Variants in GCLC observed in about 807,000 individuals in gnomAD.
The protein encoded by GCLC is glutamate-cysteine ligase catalytic subunit.
In GCLC, 30 loss-of-function variants were observed where a neutral mutation model predicts 81.5. The ratio of observed to expected loss-of-function variants is 0.37; its 90% CI spans 0.28 to 0.50. GCLC has a LOEUF of 0.50. GCLC is among the 20% of genes least tolerant of loss of function. The pLI is 0.96. For synonymous variants in GCLC, 262 were observed against 273.3 expected, an observed-to-expected ratio of 0.96 and a Z score of 0.41; for missense variants, 556 against 777.4, an observed-to-expected ratio of 0.72 and a Z score of 3.39.
chr6:53,506,049 A>G lies in GCLC; in HGVS notation c.1198-154T>C, dbSNP rs773851478. On this transcript the variant is annotated intron_variant, in intron 10 of 15. Coordinates refer to ENST00000650454, the MANE Select transcript of GCLC (RefSeq NM_001498.4). The surrounding 1 kb of genome is among the most constrained non-coding windows in gnomAD (Gnocchi z 4.0). ...AAGGTACAATTGAAGATTTTCTTCG[A>G]GTGTGCTCTTTTAGGAAAACAAAAC... is the stretch of plus-strand genomic sequence containing the variant. 11 of 664,466 alleles carry G rather than the reference A, an allele frequency of 1.7e-5. No individual in the cohort carries two copies. Among genetic ancestry groups the G allele is most frequent in the African/African-American group, 3.6e-5 (2 of 55,690 alleles). 41.2% of individuals were successfully genotyped at this position (664,466 alleles called of 1,614,324 possible).
chr6:53,519,843 T>C (rs1315870117), intron 3 of GCLC, among the ~76,000 whole-genome samples: 4 of 152,118 alleles, frequency 2.6e-5, no homozygotes, highest in Non-Finnish European at 1.5e-5. Flanking sequence ...AAATAAGTTT[T>C]CAACTATTTA....
In GCLC at chr6:53,498,873, A is replaced by G. The variant is rs1246329475; in HGVS notation, c.1797T>C (p.Tyr599=). The G allele has an allele frequency of 2.5e-6, 4 of 1,611,734 alleles. No individual in the cohort carries two copies. The highest frequency in any genetic ancestry group is 1.3e-5 in the African/African-American group (1 of 74,876). The part of the protein sequence containing the change: ...QDSVITDEMN[Y]SLILKCNQIA... The stretch of plus-strand genomic sequence containing the variant: ...TTTGGTTACACTTCAAAATAAGGCT[A>G]TAATTCATTTCATCAGTTATGACAC... The change falls in exon 16 of 16, where the codon TAT becomes TAC. Residue 599 remains tyrosine, a synonymous_variant. Transcript: ENST00000650454.
intron 1 of GCLC, among the ~76,000 whole-genome samples, chr6:53,534,903 CA>C (rs36014130): frequency 0.014 from 2,183 of 152,246 alleles, 24 homozygotes; most frequent in Middle Eastern, 0.085. Context: ...TCTACAGATT[CA>C]ATGCAATCCC....
chr6:53,542,234 G>A (rs1763370327), intron 1 of GCLC, among the ~76,000 whole-genome samples: 1 of 152,124 alleles, frequency 6.6e-6, no homozygotes, highest in African/African-American at 2.4e-5. Context: ...GTTATGACCT[G>A]GCTGAAATGC....
At position 53,500,061 on chromosome 6, in the gene GCLC, A is replaced by G; in HGVS notation, c.1686T>C (p.Ile562=). ...RCSILNYLKL[I]KKRASGELMT... is the part of the protein sequence containing the mutation. ...ATATCATACCAGATGCTCTCTTCTT[A>G]ATTAGCTTTAGGTAGTTCAGAATAC... The change falls in exon 15 of 16, where the codon ATT becomes ATC. Residue 562 remains isoleucine (I), a synonymous_variant. Coordinates refer to ENST00000650454, the MANE Select transcript of GCLC (RefSeq NM_001498.4). 1 of 1,600,160 alleles carries G rather than the reference A, an allele frequency of 6.2e-7. No homozygotes were observed. The highest frequency in any genetic ancestry group is 8.6e-7 in the Non-Finnish European group (1 of 1,167,286).
At chr6:53,526,014 C>T (rs1168598255) in intron 1 of GCLC, among the ~76,000 whole-genome samples, 1 of 152,112 alleles carries the variant, frequency 6.6e-6, no homozygotes, top group Non-Finnish European at 1.5e-5. Flanking sequence ...AAATTTTATC[C>T]TACTAGAATA....
chr6:53,520,312 T>G (rs1437363900), intron 3 of GCLC, among the ~76,000 whole-genome samples: 1 of 152,250 alleles, frequency 6.6e-6, no homozygotes, highest in Non-Finnish European at 1.5e-5. Context: ...TTGGGAGCAC[T>G]GCAGATCCTC....
chr6:53,508,215 A>C (rs893643242), intron 8 of GCLC, among the ~76,000 whole-genome samples: 2 of 152,174 alleles, frequency 1.3e-5, no homozygotes, highest in South Asian at 4.1e-4. Flanking sequence ...ACAGTTCAAC[A>C]TGCAAACAAG....
At position 53,500,098 on chromosome 6, in the gene GCLC, T is replaced by G; in HGVS notation, c.1649A>C (p.Asp550Ala). 1 of 1,610,042 alleles carries G rather than the reference T, an allele frequency of 6.2e-7. No homozygotes were observed. The highest frequency in any genetic ancestry group is 8.5e-7 in the Non-Finnish European group (1 of 1,176,232). Residue 550 changes from aspartate (D) to alanine (A), a missense_variant, in exon 15 of 16, where the codon GAC (aspartate) becomes GCC (alanine). This residue lies in a region of GCLC where 313 missense variants were observed against 437.3 expected (regional missense o/e 0.72). Transcript: ENST00000650454. ...GTAGTTCAGAATACTACATCTGGTG[T>G]CCACATCCACTTCCATGTTTTCAAG... ...SYLENMEVDV[D>A]TRCSILNYLK...
chr6:53,540,154 C>A (rs958435647), intron 1 of GCLC, among the ~76,000 whole-genome samples: 1 of 152,098 alleles, frequency 6.6e-6, no homozygotes, highest in Admixed American at 6.5e-5. Context: ...ATATTCTTCA[C>A]CCTATTCCAT....
At chr6:53,531,116 G>A (rs1207823760) in intron 1 of GCLC, among the ~76,000 whole-genome samples, 1 of 152,160 alleles carries the variant, frequency 6.6e-6, no homozygotes, top group Non-Finnish European at 1.5e-5. Flanking sequence ...TGCTAAAACA[G>A]TATTAAGTAC....
At position 53,500,664 on chromosome 6, in the gene GCLC, T is replaced by C. The variant is rs1469126595; in HGVS notation, c.1396-151A>G. 24 of 686,358 alleles carry C rather than the reference T, an allele frequency of 3.5e-5. No individual in the cohort carries two copies. The Admixed American group carries it at 5.2e-4, about 15-fold the overall frequency. The allele number at this position is 686,358 out of a possible 1,614,324, so 42.5% of individuals were successfully genotyped here. ...TTCCCAGTGGGAGGAACAGGCTTTT[T>C]ATTTATGTGAGGACTGTATCACTCA... is the stretch of plus-strand genomic sequence containing the variant. On this transcript the variant is annotated intron_variant, in intron 12 of 15. Transcript: ENST00000650454.
chr6:53,521,818 C>CA (rs1189747089), intron 2 of GCLC, among the ~76,000 whole-genome samples: 1 of 152,022 alleles, frequency 6.6e-6, no homozygotes, highest in Non-Finnish European at 1.5e-5. Flanking sequence ...ACTAAAAATA[C>CA]AAAAAATTAG....
rs1764824471 is a variant in GCLC at position 53,514,480 on chromosome 6, A to G, written c.578T>C (p.Ile193Thr). 1 of 1,613,302 alleles carries G rather than the reference A, an allele frequency of 6.2e-7. No individual in the cohort carries two copies. The highest frequency in any genetic ancestry group is 8.5e-7 in the Non-Finnish European group (1 of 1,179,216). The change falls in exon 5 of 16, where the codon ATC (isoleucine) becomes ACC (threonine). Residue 193 changes from isoleucine to threonine, a missense_variant. Ile to Thr is a moderately conservative substitution (Grantham distance 89, BLOSUM62 -1). This residue lies in a region of GCLC where 234 missense variants were observed against 303.8 expected (regional missense o/e 0.77). Coordinates refer to ENST00000650454, the MANE Select transcript of GCLC (RefSeq NM_001498.4). ...HPRFSTLTRN[I>T]RHRRGEKVVI... The stretch of plus-strand genomic sequence containing the variant: ...AACCTTTTCTCCTCTCCTATGTCGG[A>G]TATTTCTTGTTAAGGTACTAAAACA...
intron 1 of GCLC, among the ~76,000 whole-genome samples, chr6:53,541,249 C>T (rs915826455): frequency 3.3e-5 from 5 of 152,008 alleles, no homozygotes; most frequent in Non-Finnish European, 5.9e-5. Flanking sequence ...TAGAGAGGTA[C>T]CACAATGGAG....
At chr6:53,529,890 G>A (rs2127628206) in intron 1 of GCLC, among the ~76,000 whole-genome samples, 1 of 152,368 alleles carries the variant, frequency 6.6e-6, no homozygotes, top group South Asian at 2.1e-4. Context: ...ATGGGGACAA[G>A]ACAGAGAACA....
Position 53,535,514 on chromosome 6 carries a change from C to CAA in GCLC, c.150+8980_150+8981dup, listed in dbSNP as rs113272613. Among the ~76,000 whole-genome samples the CAA allele has an allele frequency of 7.3e-3, 1,076 of 147,268 alleles. 5 individuals carry two copies. The highest frequency in any genetic ancestry group is 0.014 in the Middle Eastern group (4 of 294). On this transcript the variant is annotated intron_variant, in intron 1 of 15. Coordinates refer to ENST00000650454, the MANE Select transcript of GCLC (RefSeq NM_001498.4). ...GGGCCATAGAGTGAGAACTCTGTCT[C>CAA]AAAAAAAAATAAAAAATAAAAAAAG...
intron 2 of GCLC, among the ~76,000 whole-genome samples, chr6:53,521,318 C>A (rs1267508573): frequency 6.6e-6 from 1 of 152,028 alleles, no homozygotes; most frequent in Non-Finnish European, 1.5e-5. Context: ...CCACACCTGG[C>A]TAATTTTTGT....
chr6:53,541,605 G>T (rs1763356362), intron 1 of GCLC, among the ~76,000 whole-genome samples: 1 of 151,420 alleles, frequency 6.6e-6, no homozygotes, highest in African/African-American at 2.5e-5. Context: ...TAATATGTTA[G>T]TAGGGTGGGG....
Sources: allele counts gnomAD v4.1 joint callset (sites outside exome capture counted in the v4.1 genomes callset), GRCh38; gene constraint gnomAD v4.1.1; regional missense constraint gnomAD v4.1.1; non-coding constraint Gnocchi (gnomAD v3.1); transcripts MANE v1.5; gene names NCBI Gene and HGNC (gene_info 2026-07-23, HGNC 2026-07-21).